Variants in KCNAB2 observed in about 807,000 individuals in gnomAD.
KCNAB2 encodes the protein potassium voltage-gated channel subfamily A regulatory beta subunit 2, also known as voltage-gated potassium channel subunit beta-2.
KCNAB2 carries 29 observed loss-of-function variants against 63.6 expected under a neutral mutation model. The ratio of observed to expected loss-of-function variants is 0.46; its 90% CI spans 0.34 to 0.62. KCNAB2 has a LOEUF of 0.62. Among genes scored for constraint, KCNAB2 ranks in the 20% least tolerant of loss-of-function variants. The pLI, the probability that KCNAB2 is intolerant of heterozygous loss-of-function variation, is 0.01. For synonymous variants in KCNAB2, 222 were observed against 224.2 expected (o/e 0.99, Z 0.09); for missense variants, 359 against 563.9 (o/e 0.64, Z 3.68).
upstream of KCNAB2, chr1:6,041,917 A>G: frequency 6.3e-7 from 1 of 1,585,788 alleles, no homozygotes; most frequent in East Asian, 2.2e-5. Context: ...GCCGAAGGCC[A>G]GGGAGCGGGT....
chr1:6,038,383 C>G (rs1032450203), intron 1 of KCNAB2, among the ~76,000 whole-genome samples: 7 of 152,268 alleles, frequency 4.6e-5, no homozygotes, highest in African/African-American at 1.7e-4. Context: ...CTCAATCTCC[C>G]AGGCTCAAGC....
chr1:6,095,582 G>C lies in KCNAB2; in HGVS notation c.906G>C (p.Lys302Asn). Residue 302 changes from lysine (K) to asparagine (N), a missense_variant, in exon 13 of 16, where the codon AAG becomes AAC. Physicochemically the swap from Lys to Asn is moderately conservative, Grantham distance 94 (BLOSUM62 0). Coordinates refer to ENST00000378083, the MANE Select transcript of KCNAB2 (RefSeq NM_001199862.2). ...SPLACGIVSG[K>N]YDSGIPPYSR... ...TGGCCTGTGGCATTGTTTCTGGCAA[G>C]TACGACAGTGGCATCCCACCCTACT... The C allele has an allele frequency of 6.2e-7, 1 of 1,613,410 alleles. No individual in the cohort carries two copies. Among genetic ancestry groups the C allele is most frequent in the Non-Finnish European group, 8.5e-7 (1 of 1,179,984 alleles).
At chr1:6,057,900 CAGCATCTTGGG>C (rs1661977441) in intron 2 of KCNAB2, among the ~76,000 whole-genome samples, 1 of 152,228 alleles carries the variant, frequency 6.6e-6, no homozygotes, top group African/African-American at 2.4e-5. Context: ...CTTATAATCC[CAGCATCTTGGG>C]AGGCTGAGGC....
In KCNAB2 at chr1:6,045,909, G is replaced by A; in HGVS notation, c.-301G>A. ...CGGGAGTCAGCCTTGCCAGGTTGCA[G>A]CACGGAACTGCACTTCCCGAGCTTT... On this transcript the variant is annotated 5_prime_UTR_variant, in exon 1 of 16. Transcript: ENST00000378083. The surrounding 1 kb of genome is among the most constrained non-coding windows in gnomAD (Gnocchi z 4.8). 1.0e-6 allele frequency: 1 copy of A among 985,458 alleles called. No homozygotes were observed. The highest frequency in any genetic ancestry group is 1.2e-6 in the Non-Finnish European group (1 of 829,938). 61.0% of individuals were successfully genotyped at this position (985,458 alleles called of 1,614,324 possible). A position where few individuals can be genotyped will look rare whatever the true frequency, so the allele number is the denominator to read the frequency against.
chr1:6,070,689 T>C (rs567349304), intron 2 of KCNAB2, among the ~76,000 whole-genome samples: 4 of 152,332 alleles, frequency 2.6e-5, no homozygotes, highest in Admixed American at 2.6e-4. Context: ...TCTATCCTCA[T>C]GGATCTTCTT....
intron 1 of KCNAB2, among the ~76,000 whole-genome samples, chr1:6,009,126 G>T (rs1239457650): frequency 6.6e-6 from 1 of 152,210 alleles, no homozygotes; most frequent in East Asian, 1.9e-4. Flanking sequence ...CTCATCTCGG[G>T]ACATGAGCTA....
chr1:6,025,869 A>C (rs961654218), intron 1 of KCNAB2: 11 of 147,604 alleles, frequency 7.5e-5, no homozygotes, highest in African/African-American at 2.5e-4. Flanking sequence ...CACACAGCCG[A>C]TCCCGGCACA....
chr1:6,014,759 C>T (rs1658385336), intron 1 of KCNAB2, among the ~76,000 whole-genome samples: 1 of 152,210 alleles, frequency 6.6e-6, no homozygotes, highest in Admixed American at 6.5e-5. Flanking sequence ...GCATCCTCTC[C>T]TCCTCCCGTC....
chr1:6,021,235 C>T (rs1336421980), intron 1 of KCNAB2, among the ~76,000 whole-genome samples: 1 of 152,188 alleles, frequency 6.6e-6, no homozygotes, highest in East Asian at 1.9e-4. Context: ...TGGGCTCAAG[C>T]GATCCACCCA....
At chr1:6,042,050 T>C (rs918446974), upstream of KCNAB2, among the ~76,000 whole-genome samples, 6 of 152,104 alleles carry the variant, frequency 3.9e-5, no homozygotes, top group African/African-American at 1.4e-4. Flanking sequence ...TGCAATGTCC[T>C]GATGGAAAAT....
At chr1:6,097,137 C>T in intron 14 of KCNAB2, 132 bp from the exon 15 acceptor site, 1 of 1,040,568 alleles carries the variant, frequency 9.6e-7, no homozygotes, top group East Asian at 2.6e-5. Flanking sequence ...CCCAGCACTG[C>T]AGGGCTTCCT....
At chr1:6,088,941 G>A (rs1022453070) in intron 7 of KCNAB2, 67 bp from the exon 8 acceptor site, 35 of 1,462,930 alleles carry the variant, frequency 2.4e-5, no homozygotes, top group African/African-American at 2.4e-4. Context: ...CATCGTAAAC[G>A]TTTTTTGGGA....
intron 11 of KCNAB2, 110 bp from the exon 12 acceptor site, chr1:6,095,213 G>C: frequency 8.4e-7 from 1 of 1,192,688 alleles, no homozygotes; most frequent in South Asian, 1.4e-5. Context: ...GGCTGCAGCT[G>C]CTGGGCCAGC....
intron 1 of KCNAB2, among the ~76,000 whole-genome samples, chr1:6,002,502 C>G (rs969747760): frequency 3.3e-5 from 5 of 152,256 alleles, no homozygotes; most frequent in African/African-American, 1.2e-4. Flanking sequence ...CACAGACTCC[C>G]TGATGCCTGT....
intron 1 of KCNAB2, among the ~76,000 whole-genome samples, chr1:6,047,042 A>G (rs1284559763): frequency 6.6e-6 from 1 of 152,348 alleles, no homozygotes; most frequent in African/African-American, 2.4e-5. Context: ...AGCCCAGGAA[A>G]GAACTTGTGG....
chr1:6,095,975 C>T, intron 13 of KCNAB2: 1 of 422,324 alleles, frequency 2.4e-6, no homozygotes, highest in South Asian at 1.8e-5. Context: ...TGGGCCTGGG[C>T]TCCGAGATGG....
intron 1 of KCNAB2, among the ~76,000 whole-genome samples, chr1:6,013,354 C>T (rs1161087596): frequency 6.6e-6 from 1 of 152,138 alleles, no homozygotes; most frequent in East Asian, 1.9e-4. Flanking sequence ...CTCTCTGGAG[C>T]AGCCTCTCCG....
chr1:6,097,431 C>T (rs951292416), intron 15 of KCNAB2, 74 bp downstream of exon 15: 39 of 1,545,722 alleles, frequency 2.5e-5, no homozygotes, highest in African/African-American at 1.4e-4. Flanking sequence ...CTCCCAGGCT[C>T]GTCCTGCGTG....
chr1:6,052,593 G>T (rs12047044), intron 2 of KCNAB2, among the ~76,000 whole-genome samples: 50,411 of 151,880 alleles, frequency 0.33, 10,297 homozygotes, highest in African/African-American at 0.57. Flanking sequence ...TTTTTAGTGC[G>T]CTTGTCTTTG....
Sources: allele counts gnomAD v4.1 joint callset (sites outside exome capture counted in the v4.1 genomes callset), GRCh38; gene constraint gnomAD v4.1.1; non-coding constraint Gnocchi (gnomAD v3.1); transcripts MANE v1.5; gene names NCBI Gene and HGNC (gene_info 2026-07-23, HGNC 2026-07-21).